DECR1: variants seen among roughly 807,000 people sequenced by gnomAD.
DECR1 encodes 2,4-dienoyl-CoA reductase [(3E)-enoyl-CoA-producing], mitochondrial.
In DECR1, 44 loss-of-function variants were observed where a neutral mutation model predicts 38.8. The ratio of observed to expected loss-of-function variants is 1.13; its 90% CI spans 0.89 to 1.46. DECR1 has a LOEUF of 1.46. DECR1 is among the 40% of genes most tolerant of loss of function. DECR1 has a pLI of 0.00. For missense variants in DECR1, 428 were observed against 405.5 expected, an observed-to-expected ratio of 1.06 and a Z score of -0.48; for synonymous variants, 148 against 135.2, an observed-to-expected ratio of 1.09 and a Z score of -0.66.
intron 7 of DECR1, 64 bp downstream of exon 7, chr8:90,042,864 AT>A: frequency 7.2e-7 from 1 of 1,391,788 alleles, no homozygotes. Context: ...TGATAGGTAT[AT>A]TCTGGTTGTT....
Position 90,051,935 on chromosome 8 carries a change from A to G in DECR1, c.*38A>G, listed in dbSNP as rs771691905. ...CTTCATCTTGGTTACAGAAAAGGGA[A>G]TAGAAATGAAACAAATTATCTCTCA... On this transcript the variant is annotated 3_prime_UTR_variant, in exon 10 of 10. Transcript: ENST00000220764. 11 of 1,548,092 alleles carry G rather than the reference A, an allele frequency of 7.1e-6. No homozygotes were observed. In the Admixed American group the frequency reaches 1.7e-4, roughly 24 times the overall value.
intron 5 of DECR1, among the ~76,000 whole-genome samples, chr8:90,021,815 T>A (rs1011197991): frequency 6.6e-6 from 1 of 152,162 alleles, no homozygotes; most frequent in Non-Finnish European, 1.5e-5. Context: ...CCAATGAGAT[T>A]AAGAACACTG....
At chr8:90,025,547 G>GC (rs1563635317) in intron 5 of DECR1, among the ~76,000 whole-genome samples, 6 of 152,150 alleles carry the variant, frequency 3.9e-5, no homozygotes, top group African/African-American at 1.4e-4. Context: ...GTATAGGAAT[G>GC]ATGTGATTTT....
At chr8:90,013,032 G>GA (rs1407272673) in intron 1 of DECR1, among the ~76,000 whole-genome samples, 3 of 152,176 alleles carry the variant, frequency 2.0e-5, no homozygotes, top group Non-Finnish European at 2.9e-5. Flanking sequence ...GTGGGGCTAG[G>GA]AAAGTATTAA....
At chr8:90,006,371 G>C (rs1812740449) in intron 1 of DECR1, 2 of 701,492 alleles carry the variant, frequency 2.9e-6, no homozygotes, top group Non-Finnish European at 5.2e-6. Flanking sequence ...AGAGATGTAA[G>C]AATGTTTTAA....
At position 90,017,312 on chromosome 8, in the gene DECR1, C is replaced by T. The variant is rs149901486; in HGVS notation, c.258C>T (p.Cys86=). Residue 86 remains cysteine (C), a synonymous_variant, in exon 2 of 10, where the codon TGC becomes TGT. Transcript: ENST00000220764. ...TTCTGTCCAGCCTAGGTGCTCAGTG[C>T]GTGATAGCCAGCCGGTAAGTCCCTT... is the stretch of plus-strand genomic sequence containing the variant. The part of the protein sequence containing the change: ...TTLLSSLGAQ[C]VIASRKMDVL... 27 of 1,613,814 alleles carry T rather than the reference C, an allele frequency of 1.7e-5. No homozygotes were observed. The highest frequency in any genetic ancestry group is 3.3e-4 in the Middle Eastern group (2 of 6,060).
At chr8:90,001,638 G>T in intron 1 of DECR1, 77 bp downstream of exon 1, 2 of 1,381,404 alleles carry the variant, frequency 1.4e-6, no homozygotes, top group Non-Finnish European at 2.0e-6. Context: ...CGTCACGGGG[G>T]CTCGGGGAGC....
chr8:90,023,603 G>C (rs1813219687), intron 5 of DECR1, among the ~76,000 whole-genome samples: 1 of 151,844 alleles, frequency 6.6e-6, no homozygotes, highest in African/African-American at 2.4e-5. Flanking sequence ...ATTTCCTCCT[G>C]ATGCCAGGAG....
chr8:90,028,484 T>TG (rs1813410908), intron 5 of DECR1, among the ~76,000 whole-genome samples: 1 of 152,256 alleles, frequency 6.6e-6, no homozygotes, highest in South Asian at 2.1e-4. Context: ...TTGAGTCACA[T>TG]GGATTACTTT....
chr8:90,006,174 G>C, intron 1 of DECR1: 1 of 703,630 alleles, frequency 1.4e-6, no homozygotes, highest in Non-Finnish European at 2.6e-6. Context: ...TCCTTAGCAG[G>C]TTGACTAAGG....
In DECR1 at chr8:90,004,432, A is replaced by G. The variant is rs560676489; in HGVS notation, c.69+2871A>G. Among the ~76,000 whole-genome samples, 120 of 152,356 alleles carry G rather than the reference A, an allele frequency of 7.9e-4. 1 individual carries two copies. The highest frequency in any genetic ancestry group is 2.5e-3 in the African/African-American group (106 of 41,596). ...AATGATTCCTGGCCAATATTCAGCA[A>G]TACAGTTAACAAAGTAAGATATGAC... On this transcript the variant is annotated intron_variant, in intron 1 of 9. Coordinates refer to ENST00000220764, the MANE Select transcript of DECR1 (RefSeq NM_001359.2).
rs752289449 is a variant in DECR1 at position 90,004,983 on chromosome 8, A to T, written c.69+3422A>T. 1.7e-4 allele frequency among the ~76,000 whole-genome samples: 26 copies of T among 152,354 alleles called. No individual in the cohort carries two copies. The Middle Eastern group carries it at 0.017, about 100-fold the overall frequency. Reference sequence around the variant, plus strand: ...GTGTATTATAATGCATATATGACCCAAACTGTACATACCTAGAGGAGGCAA... The same window carrying T: ...GTGTATTATAATGCATATATGACCCTAACTGTACATACCTAGAGGAGGCAA... On this transcript the variant is annotated intron_variant, in intron 1 of 9. Coordinates refer to ENST00000220764, the MANE Select transcript of DECR1 (RefSeq NM_001359.2).
At chr8:90,015,369 C>A (rs144303838) in intron 1 of DECR1, among the ~76,000 whole-genome samples, 5 of 151,960 alleles carry the variant, frequency 3.3e-5, no homozygotes, top group African/African-American at 1.2e-4. Flanking sequence ...CCTTATAGAG[C>A]TGTTTTGAGG....
At chr8:90,031,202 A>G (rs897296759) in intron 5 of DECR1, among the ~76,000 whole-genome samples, 1 of 152,118 alleles carries the variant, frequency 6.6e-6, no homozygotes, top group Non-Finnish European at 1.5e-5. Context: ...AATGTTGATA[A>G]TAAAGCCTTC....
At chr8:90,017,074 G>GT (rs765302275) in intron 1 of DECR1, 50 bp from the exon 2 acceptor site, 52 of 1,381,058 alleles carry the variant, frequency 3.8e-5, no homozygotes, top group Non-Finnish European at 4.9e-5. Context: ...AAATTCATCT[G>GT]TTTTTTGGAA....
Position 90,020,892 on chromosome 8 carries a change from C to T in DECR1, c.418-17C>T, listed in dbSNP as rs766361708. On this transcript the variant is annotated splice_polypyrimidine_tract_variant and intron_variant, in intron 4 of 9. Transcript: ENST00000220764. Reference sequence around the variant, plus strand: ...CCTCATCTAAAGTTTCTGTAACTTGCCTTGTTCATTTATTAGATTGTGATA... The same window carrying T: ...CCTCATCTAAAGTTTCTGTAACTTGTCTTGTTCATTTATTAGATTGTGATA... 2 of 1,511,186 alleles carry T rather than the reference C, an allele frequency of 1.3e-6. No individual in the cohort carries two copies. The highest frequency in any genetic ancestry group is 2.7e-5 in the South Asian group (2 of 75,414). 93.6% of individuals were successfully genotyped at this position (1,511,186 alleles called of 1,614,324 possible).
intron 5 of DECR1, among the ~76,000 whole-genome samples, chr8:90,024,253 A>G (rs1402452302): frequency 5.3e-5 from 8 of 152,246 alleles, no homozygotes; most frequent in Admixed American, 6.5e-5. Context: ...TGGCTGGGTC[A>G]AATGGTAATT....
chr8:90,045,720 G>A (rs541617516), intron 8 of DECR1, among the ~76,000 whole-genome samples: 6 of 152,310 alleles, frequency 3.9e-5, no homozygotes, highest in East Asian at 1.9e-4. Context: ...ATCTGAGAAC[G>A]GACAGACTGG....
chr8:90,030,255 C>G (rs1813463503), intron 5 of DECR1, among the ~76,000 whole-genome samples: 1 of 152,130 alleles, frequency 6.6e-6, no homozygotes, highest in African/African-American at 2.4e-5. Flanking sequence ...GGCCTGGTTT[C>G]TAACTGGCCA....
Sources: allele counts gnomAD v4.1 joint callset (sites outside exome capture counted in the v4.1 genomes callset), GRCh38; gene constraint gnomAD v4.1.1; transcripts MANE v1.5; gene names NCBI Gene and HGNC (gene_info 2026-07-23, HGNC 2026-07-21).